SEC23A: variants seen among roughly 807,000 people sequenced by gnomAD.
SEC23A encodes the protein protein transport protein Sec23A.
A neutral mutation model predicts 103.7 loss-of-function variants in SEC23A; 56 were observed. The ratio of observed to expected loss-of-function variants is 0.54; its 90% CI spans 0.44 to 0.67. SEC23A has a LOEUF of 0.67. Among genes scored for constraint, SEC23A ranks in the 30% least tolerant of loss-of-function variants. The pLI, the probability that SEC23A is intolerant of heterozygous loss-of-function variation, is 0.00. For synonymous variants in SEC23A, 281 were observed against 293.0 expected, an observed-to-expected ratio of 0.96 and a Z score of 0.42; for missense variants, 784 against 936.4, an observed-to-expected ratio of 0.84 and a Z score of 2.12.
chr14:39,037,119 T>C lies in SEC23A; in HGVS notation c.2208+1912A>G, dbSNP rs1042666645. On this transcript the variant is annotated intron_variant, in intron 19 of 19. Transcript: ENST00000307712. ...TCCCCTGAAGTTTTTGTCTCATCTC[T>C]CCTTTACCTCTTTACTCTCTCTTCA... is the stretch of plus-strand genomic sequence containing the variant. Among the ~76,000 whole-genome samples the C allele has an allele frequency of 6.1e-4, 93 of 152,136 alleles. 5 individuals are homozygous for C. Among genetic ancestry groups the C allele is most frequent in the Non-Finnish European group, 4.4e-5 (3 of 68,014 alleles).
At position 39,065,037 on chromosome 14, in the gene SEC23A, G is replaced by A. The variant is rs200607216; in HGVS notation, c.1228-44C>T. The A allele has an allele frequency of 1.8e-4, 211 of 1,203,414 alleles. No individual in the cohort carries two copies. The African/African-American group carries it at 2.7e-3, about 15-fold the overall frequency. The allele number at this position is 1,203,414 out of a possible 1,614,324, so 74.5% of individuals were successfully genotyped here. Reference sequence around the variant, plus strand: ...GCATGTTCGGTTTCCTCAAAGATACGTTCAAATGTTCAACTACAGGTGTAT... The same window carrying A: ...GCATGTTCGGTTTCCTCAAAGATACATTCAAATGTTCAACTACAGGTGTAT... On this transcript the variant is annotated intron_variant, in intron 10 of 19. Coordinates refer to ENST00000307712, the MANE Select transcript of SEC23A (RefSeq NM_006364.4).
intron 14 of SEC23A, among the ~76,000 whole-genome samples, chr14:39,050,000 C>A (rs1396400671): frequency 6.6e-6 from 1 of 151,972 alleles, no homozygotes; most frequent in African/African-American, 2.4e-5. Context: ...GATCTCCTGA[C>A]CTCATGATCC....
intron 2 of SEC23A, among the ~76,000 whole-genome samples, chr14:39,093,683 C>T (rs1302383764): frequency 6.6e-6 from 1 of 152,134 alleles, no homozygotes; most frequent in African/African-American, 2.4e-5. Flanking sequence ...ATCATCTGAG[C>T]CCAGGTGGTC....
chr14:39,078,422 C>A (rs1884383), intron 7 of SEC23A, among the ~76,000 whole-genome samples: 41,819 of 152,006 alleles, frequency 0.28, 6,719 homozygotes, highest in Non-Finnish European at 0.35. Flanking sequence ...AAGGAGGATG[C>A]CCAAAAAGCT....
intron 13 of SEC23A, among the ~76,000 whole-genome samples, chr14:39,060,447 A>G (rs1228356072): frequency 6.6e-6 from 1 of 152,176 alleles, no homozygotes; most frequent in Non-Finnish European, 1.5e-5. Flanking sequence ...ACTTAATGAA[A>G]ATGAGAGCTA....
At chr14:39,072,704 C>T (rs1346092790) in intron 9 of SEC23A, among the ~76,000 whole-genome samples, 1 of 152,144 alleles carries the variant, frequency 6.6e-6, no homozygotes, top group African/African-American at 2.4e-5. Flanking sequence ...GTCCCAGCTA[C>T]TCAGGAGGCT....
intron 1 of SEC23A, among the ~76,000 whole-genome samples, chr14:39,101,644 G>C (rs1888101808): frequency 6.6e-6 from 1 of 150,502 alleles, no homozygotes; most frequent in Non-Finnish European, 1.5e-5. Flanking sequence ...AAACAAAAAA[G>C]ACTTTCCCTA....
intron 14 of SEC23A, among the ~76,000 whole-genome samples, chr14:39,051,003 A>C (rs990791475): frequency 1.3e-5 from 2 of 152,194 alleles, no homozygotes; most frequent in Non-Finnish European, 2.9e-5. Context: ...TGTACTGACA[A>C]CTTCACTGCT....
intron 7 of SEC23A, among the ~76,000 whole-genome samples, chr14:39,080,195 A>C (rs949407279): frequency 2.0e-5 from 3 of 152,274 alleles, no homozygotes; most frequent in African/African-American, 7.2e-5. Context: ...GCAATTCTCC[A>C]AAAAGATCAA....
At chr14:39,036,304 G>T (rs1885456433) in intron 19 of SEC23A, among the ~76,000 whole-genome samples, 2 of 107,874 alleles carry the variant, frequency 1.9e-5, no homozygotes, top group Non-Finnish European at 3.4e-5. Context: ...CCTGGCAACA[G>T]AGCAAGACTC....
intron 7 of SEC23A, among the ~76,000 whole-genome samples, chr14:39,084,390 C>A (rs904812627): frequency 6.6e-6 from 1 of 152,126 alleles, no homozygotes; most frequent in Admixed American, 6.6e-5. Context: ...ACTAAAACTC[C>A]ACTTATTGTA....
In SEC23A at chr14:39,103,079, C is replaced by G. The variant is rs1250198812; in HGVS notation, c.-69G>C. ...ACGAGGCGGCCCTTTCCTCACTGTC[C>G]CCCTGCAGGACCCGTCGCAGCCTCC... On this transcript the variant is annotated 5_prime_UTR_variant, in exon 1 of 20. Transcript: ENST00000307712. The G allele has an allele frequency of 6.6e-6, 1 of 152,434 alleles. No individual in the cohort carries two copies. Among genetic ancestry groups the G allele is most frequent in the Non-Finnish European group, 1.5e-5 (1 of 68,236 alleles). 9.4% of individuals were successfully genotyped at this position (152,434 alleles called of 1,614,324 possible).
intron 7 of SEC23A, among the ~76,000 whole-genome samples, chr14:39,082,572 G>T (rs547820768): frequency 2.6e-5 from 4 of 152,196 alleles, no homozygotes; most frequent in Admixed American, 1.3e-4. Context: ...CAGCAGTAAT[G>T]AAATAAATCA....
At chr14:39,091,003 A>G in intron 5 of SEC23A, 1 of 373,800 alleles carries the variant, frequency 2.7e-6, no homozygotes, top group Non-Finnish European at 5.0e-6. Flanking sequence ...TCCTGCCCCC[A>G]CCACCACTGC....
chr14:39,038,006 AC>A (rs1885516121), intron 19 of SEC23A, among the ~76,000 whole-genome samples: 1 of 152,138 alleles, frequency 6.6e-6, no homozygotes. Context: ...CCCTCTGTCC[AC>A]CTTCAATGAC....
At chr14:39,089,119 T>C (rs1887568590) in intron 5 of SEC23A, among the ~76,000 whole-genome samples, 1 of 137,978 alleles carries the variant, frequency 7.2e-6, no homozygotes, top group South Asian at 2.2e-4. Flanking sequence ...GATTGCAAGA[T>C]CATGCCACTG....
intron 13 of SEC23A, among the ~76,000 whole-genome samples, chr14:39,060,864 G>C (rs1199904797): frequency 6.6e-6 from 1 of 152,218 alleles, no homozygotes; most frequent in East Asian, 1.9e-4. Context: ...TTCCCTTCTG[G>C]GGACCCTGCC....
chr14:39,083,026 G>A (rs1035429666), intron 7 of SEC23A, among the ~76,000 whole-genome samples: 2 of 152,174 alleles, frequency 1.3e-5, no homozygotes, highest in African/African-American at 4.8e-5. Context: ...TTAGCTGGTA[G>A]TAATGTATCA....
intron 14 of SEC23A, among the ~76,000 whole-genome samples, chr14:39,052,249 T>A (rs1886091322): frequency 6.6e-6 from 1 of 151,664 alleles, no homozygotes; most frequent in African/African-American, 2.4e-5. Flanking sequence ...TAAACCACCA[T>A]GGCACACGTT....
Sources: allele counts gnomAD v4.1 joint callset (sites outside exome capture counted in the v4.1 genomes callset), GRCh38; gene constraint gnomAD v4.1.1; transcripts MANE v1.5; gene names NCBI Gene and HGNC (gene_info 2026-07-23, HGNC 2026-07-21).